CIB4: variants seen among roughly 807,000 people sequenced by gnomAD.
CIB4 encodes calcium and integrin binding family member 4.
Under a neutral mutation model 25.8 loss-of-function variants are expected in CIB4, and 25 were observed. The ratio of observed to expected loss-of-function variants is 0.97; its 90% CI spans 0.71 to 1.35. The LOEUF is 1.35. CIB4 is among the 40% of genes most tolerant of loss of function. The pLI is 0.00. For missense variants in CIB4, 235 were observed against 228.2 expected (o/e 1.03, Z -0.19); for synonymous variants, 75 against 81.4 (o/e 0.92, Z 0.42).
At chr2:26,595,121 G>T (rs912178576) in intron 4 of CIB4, 55 bp downstream of exon 4, 2 of 1,542,452 alleles carry the variant, frequency 1.3e-6, no homozygotes, top group Non-Finnish European at 1.8e-6. Context: ...TCCAGATACG[G>T]TATGTTCTCT....
chr2:26,592,340 G>A, intron 4 of CIB4, among the ~76,000 whole-genome samples: 1 of 152,246 alleles, frequency 6.6e-6, no homozygotes, highest in East Asian at 1.9e-4. Context: ...CTCCCTGGAT[G>A]CATTGGGATC....
At chr2:26,605,480 T>C (rs190364422) in intron 3 of CIB4, 1 of 470,702 alleles carries the variant, frequency 2.1e-6, no homozygotes, top group East Asian at 7.0e-5. Context: ...ACGCCACAGG[T>C]AGATGAAGTT....
chr2:26,621,259 A>G (rs1333094175), intron 3 of CIB4, among the ~76,000 whole-genome samples: 3 of 148,020 alleles, frequency 2.0e-5, no homozygotes. Flanking sequence ...CAGGAAAAAA[A>G]AAAAAAAAAA....
chr2:26,583,909 G>A lies in CIB4; in HGVS notation c.329-11C>T, dbSNP rs764495481. ...CATTCTCATTAAAATCTGCAAAGAA[G>A]AGGCCAGGCCTGCATTAGACGGAGC... is the stretch of plus-strand genomic sequence containing the variant. On this transcript the variant is annotated splice_polypyrimidine_tract_variant and intron_variant, in intron 4 of 6. Coordinates refer to ENST00000288861, the MANE Select transcript of CIB4 (RefSeq NM_001029881.3). 9.6e-6 allele frequency: 15 copies of A among 1,562,234 alleles called. No homozygotes were observed. The South Asian group carries it at 1.1e-4, about 12-fold the overall frequency.
chr2:26,600,437 T>C (rs139801978), intron 3 of CIB4, among the ~76,000 whole-genome samples: 1,838 of 152,228 alleles, frequency 0.012, 33 homozygotes, highest in African/African-American at 0.041. Flanking sequence ...AATAAAGAAA[T>C]AAAATGATAT....
At chr2:26,594,248 A>G (rs1572544796) in intron 4 of CIB4, among the ~76,000 whole-genome samples, 2 of 152,190 alleles carry the variant, frequency 1.3e-5, no homozygotes, top group South Asian at 2.1e-4. Context: ...TTACTCAGCC[A>G]TTCTCAGGAG....
At chr2:26,603,975 C>G (rs1436151635) in intron 3 of CIB4, among the ~76,000 whole-genome samples, 1 of 148,538 alleles carries the variant, frequency 6.7e-6, no homozygotes, top group African/African-American at 2.5e-5. Context: ...TGCACTCCAG[C>G]CTGGGCAACA....
intron 2 of CIB4, among the ~76,000 whole-genome samples, chr2:26,635,968 C>G (rs1248391953): frequency 1.3e-5 from 2 of 152,172 alleles, no homozygotes; most frequent in African/African-American, 4.8e-5. Flanking sequence ...CTCCATACCC[C>G]ACACCACCTC....
At chr2:26,583,012 C>T (rs1450138074) in intron 5 of CIB4, 99 bp from the exon 6 acceptor site, 2 of 753,600 alleles carry the variant, frequency 2.7e-6, no homozygotes, top group Admixed American at 4.0e-5. Context: ...AGGGGCTCTC[C>T]CACATGCTTA....
intron 3 of CIB4, among the ~76,000 whole-genome samples, chr2:26,603,876 G>A (rs1024232783): frequency 2.0e-5 from 3 of 151,638 alleles, no homozygotes; most frequent in Non-Finnish European, 2.9e-5. Context: ...GGTGGTGTGC[G>A]CCTGTAGTCA....
intron 2 of CIB4, among the ~76,000 whole-genome samples, chr2:26,630,089 A>C (rs185809073): frequency 6.6e-6 from 1 of 152,358 alleles, no homozygotes; most frequent in East Asian, 1.9e-4. Flanking sequence ...CTTCCTAATC[A>C]TCCCTGTCAG....
At chr2:26,609,306 G>T (rs948513132) in intron 3 of CIB4, among the ~76,000 whole-genome samples, 1 of 152,050 alleles carries the variant, frequency 6.6e-6, no homozygotes, top group Non-Finnish European at 1.5e-5. Flanking sequence ...GAGGGCAGGG[G>T]GAAGAGGAAG....
chr2:26,612,454 G>GT (rs1481372192), intron 3 of CIB4, among the ~76,000 whole-genome samples: 2 of 152,196 alleles, frequency 1.3e-5, no homozygotes, highest in African/African-American at 4.8e-5. Flanking sequence ...TAAGAGCCTT[G>GT]TTGGCCCCAG....
chr2:26,617,147 T>TGTGTGTGTGTGTGTGTGTGTGTGTGC (rs10665609), intron 3 of CIB4, among the ~76,000 whole-genome samples: 2 of 150,534 alleles, frequency 1.3e-5, no homozygotes, highest in African/African-American at 2.5e-5. Flanking sequence ...TGTGTGTGTG[T>TGTGTGTGTGTGTGTGTGTGTGTGTGC]GCACGTGAGC....
chr2:26,635,048 A>G (rs1572575154), intron 2 of CIB4, among the ~76,000 whole-genome samples: 1 of 152,252 alleles, frequency 6.6e-6, no homozygotes, highest in Non-Finnish European at 1.5e-5. Context: ...TCACCGCCGG[A>G]AGGGCCTGGG....
At chr2:26,620,225 C>T (rs1246564514) in intron 3 of CIB4, among the ~76,000 whole-genome samples, 2 of 151,750 alleles carry the variant, frequency 1.3e-5, no homozygotes, top group Admixed American at 1.3e-4. Context: ...AATCCCACAG[C>T]GGGGAAGGTG....
intron 3 of CIB4, among the ~76,000 whole-genome samples, chr2:26,599,240 T>C (rs970075969): frequency 6.6e-6 from 1 of 152,228 alleles, no homozygotes; most frequent in Non-Finnish European, 1.5e-5. Context: ...CAGCAATTTA[T>C]ACAGGTAACT....
At chr2:26,593,766 G>A (rs1429489769) in intron 4 of CIB4, among the ~76,000 whole-genome samples, 1 of 152,216 alleles carries the variant, frequency 6.6e-6, no homozygotes, top group East Asian at 1.9e-4. Flanking sequence ...TGTCACTCAT[G>A]GATCTGGTTA....
intron 4 of CIB4, among the ~76,000 whole-genome samples, chr2:26,589,108 C>CTCTTCTTCTTCT (rs1187640015): frequency 1.6e-4 from 11 of 67,810 alleles, no homozygotes; most frequent in South Asian, 6.0e-4. Flanking sequence ...CTTCTTCTTC[C>CTCTTCTTCTTCT]TCTTCTTCTT....
Sources: allele counts gnomAD v4.1 joint callset (sites outside exome capture counted in the v4.1 genomes callset), GRCh38; gene constraint gnomAD v4.1.1; transcripts MANE v1.5; gene names NCBI Gene and HGNC (gene_info 2026-07-23, HGNC 2026-07-21).